The following FKBP1B variants were observed in gnomAD, a reference collection of about 807,000 sequenced individuals.
The protein encoded by FKBP1B is peptidyl-prolyl cis-trans isomerase FKBP1B.
Under a neutral mutation model 13.5 loss-of-function variants are expected in FKBP1B, and 4 were observed. That is an observed-to-expected ratio of 0.30 (90% CI 0.15 to 0.68). The LOEUF (loss-of-function observed/expected upper bound fraction) is 0.68, where lower values mean the gene tolerates loss of function less well. FKBP1B is among the 30% of genes least tolerant of loss of function. The probability of loss-of-function intolerance (pLI) is 0.76; values close to 1 mark genes in which losing one functional copy is unlikely to be tolerated. For missense variants in FKBP1B, 93 were observed against 136.2 expected, an observed-to-expected ratio of 0.68 and a Z score of 1.58; for synonymous variants, 54 against 53.6, an observed-to-expected ratio of 1.01 and a Z score of -0.03.
At chr2:24,033,688 C>T in the FKBP1B span, among the ~76,000 whole-genome samples, 1 of 152,196 alleles carries the variant, frequency 6.6e-6, no homozygotes, top group South Asian at 2.1e-4. Flanking sequence ...TTGCAGTGAG[C>T]TGAGAAGGTG....
chr2:24,037,879 G>A, the FKBP1B span: 1 of 1,614,062 alleles, frequency 6.2e-7, no homozygotes, highest in African/African-American at 1.3e-5. Flanking sequence ...CAAACGAGGA[G>A]GCTCCAGTGT....
At chr2:24,048,366 G>T (rs903773118), upstream of FKBP1B, among the ~76,000 whole-genome samples, 1 of 151,370 alleles carries the variant, frequency 6.6e-6, no homozygotes, top group Non-Finnish European at 1.5e-5. Context: ...AGCTACTTGG[G>T]AGACTGAGGC....
Position 24,063,486 on chromosome 2 carries a change from A to G in FKBP1B, c.*294A>G, listed in dbSNP as rs1167826933. ...AGAACACAGATCTCTTGTTCGCACA[A>G]TCTACACTGCCTTACCTTCACTTAA... On this transcript the variant is annotated 3_prime_UTR_variant, in exon 4 of 4. Coordinates refer to ENST00000380986, the MANE Select transcript of FKBP1B (RefSeq NM_004116.5). 6 of 364,056 alleles carry G rather than the reference A, an allele frequency of 1.6e-5. No homozygotes were observed. The Admixed American group carries it at 1.8e-4, about 11-fold the overall frequency. The allele number at this position is 364,056 out of a possible 1,614,324, so 22.6% of individuals were successfully genotyped here.
the FKBP1B span, chr2:24,038,606 C>T: frequency 6.2e-7 from 1 of 1,614,034 alleles, no homozygotes; most frequent in Non-Finnish European, 8.5e-7. Context: ...AGAGAATTAC[C>T]CTCAGACTTA....
In FKBP1B at chr2:24,063,477, GTTCGCACA is replaced by G; in HGVS notation, c.*286_*293del. ...CCTGATGACAGAACACAGATCTCTT[GTTCGCACA>G]ATCTACACTGCCTTACCTTCACTTA... On this transcript the variant is annotated 3_prime_UTR_variant, in exon 4 of 4. Coordinates refer to ENST00000380986, the MANE Select transcript of FKBP1B (RefSeq NM_004116.5). 13 of 339,014 alleles carry G rather than the reference GTTCGCACA, an allele frequency of 3.8e-5. No individual in the cohort carries two copies. Among genetic ancestry groups the G allele is most frequent in the South Asian group, 2.8e-4 (3 of 10,880 alleles). 21.0% of individuals were successfully genotyped at this position (339,014 alleles called of 1,614,324 possible).
At chr2:24,033,308 T>A in the FKBP1B span, 1 of 355,000 alleles carries the variant, frequency 2.8e-6, no homozygotes, top group Admixed American at 3.9e-5. Context: ...ACCTCATGGT[T>A]TATTAGGAAA....
At chr2:24,045,599 T>A (rs1663587603), upstream of FKBP1B, among the ~76,000 whole-genome samples, 2 of 35,756 alleles carry the variant, frequency 5.6e-5, no homozygotes, top group Admixed American at 3.9e-4. Flanking sequence ...AGACTCCATC[T>A]CAAAAAAAAA....
At chr2:24,039,572 G>A in the FKBP1B span, 7 of 1,496,778 alleles carry the variant, frequency 4.7e-6, no homozygotes, top group South Asian at 1.3e-5. Flanking sequence ...TAGAATGTAG[G>A]ACATTTGGTA....
At chr2:24,043,155 G>A in the FKBP1B span, among the ~76,000 whole-genome samples, 10 of 151,798 alleles carry the variant, frequency 6.6e-5, no homozygotes, top group East Asian at 1.9e-4. Context: ...CCAACATGGC[G>A]AAACCTCGTC....
chr2:24,062,330 C>T (rs1024807616), intron 3 of FKBP1B, among the ~76,000 whole-genome samples: 3 of 152,012 alleles, frequency 2.0e-5, no homozygotes, highest in Non-Finnish European at 4.4e-5. Flanking sequence ...GCACCATCAC[C>T]ATCACGCCTG....
intron 1 of FKBP1B, among the ~76,000 whole-genome samples, chr2:24,052,974 TA>T (rs889842047): frequency 4.1e-4 from 60 of 146,472 alleles, no homozygotes; most frequent in Admixed American, 8.9e-4. Context: ...CCCCTACTCT[TA>T]AAAAAAAAAA....
chr2:24,057,715 C>T (rs915797934), intron 2 of FKBP1B, among the ~76,000 whole-genome samples: 5 of 151,938 alleles, frequency 3.3e-5, no homozygotes, highest in Non-Finnish European at 7.4e-5. Context: ...GAAGGTCTCC[C>T]TATGTTGCCC....
intron 1 of FKBP1B, among the ~76,000 whole-genome samples, chr2:24,051,278 G>C (rs545447976): frequency 2.1e-3 from 312 of 151,552 alleles, no homozygotes; most frequent in African/African-American, 7.4e-3. Context: ...AGGTTGCAGT[G>C]AGCTGAGATT....
intron 1 of FKBP1B, 109 bp from the exon 2 acceptor site, chr2:24,053,793 A>G (rs1663989744): frequency 9.5e-7 from 1 of 1,050,244 alleles, no homozygotes; most frequent in African/African-American, 1.6e-5. Context: ...AGGCATCTCC[A>G]TGGCATGGAG....
At chr2:24,041,474 A>C in the FKBP1B span, among the ~76,000 whole-genome samples, 1 of 152,162 alleles carries the variant, frequency 6.6e-6, no homozygotes, top group Non-Finnish European at 1.5e-5. Flanking sequence ...TTAAAGAAAG[A>C]CACAAAGATA....
chr2:24,035,828 T>C, the FKBP1B span, among the ~76,000 whole-genome samples: 1 of 151,786 alleles, frequency 6.6e-6, no homozygotes, highest in African/African-American at 2.4e-5. Context: ...CTCAGCACTC[T>C]GGGAGGCCAA....
At chr2:24,037,274 C>T in the FKBP1B span, among the ~76,000 whole-genome samples, 2 of 152,208 alleles carry the variant, frequency 1.3e-5, no homozygotes, top group African/African-American at 4.8e-5. Flanking sequence ...CCACTTGCCT[C>T]GGCCTCCCAA....
At chr2:24,044,439 A>G in the FKBP1B span, among the ~76,000 whole-genome samples, 2 of 151,872 alleles carry the variant, frequency 1.3e-5, no homozygotes, top group East Asian at 3.9e-4. Context: ...GCTAATTTTT[A>G]TATTTTTAGT....
At chr2:24,033,388 C>G in the FKBP1B span, 1 of 232,610 alleles carries the variant, frequency 4.3e-6, no homozygotes, top group Non-Finnish European at 8.8e-6. Flanking sequence ...AAACCATGGT[C>G]AAAATTCACA....
Sources: allele counts gnomAD v4.1 joint callset (sites outside exome capture counted in the v4.1 genomes callset), GRCh38; gene constraint gnomAD v4.1.1; transcripts MANE v1.5; gene names NCBI Gene and HGNC (gene_info 2026-07-23, HGNC 2026-07-21).